Variants in PRKN observed in about 807,000 individuals in gnomAD.
The protein encoded by PRKN is E3 ubiquitin-protein ligase parkin.
PRKN carries 56 observed loss-of-function variants against 59.5 expected under a neutral mutation model. The observed-to-expected ratio is 0.94, with a 90% CI of 0.76 to 1.18. PRKN has a LOEUF of 1.18. Among genes scored for constraint, PRKN ranks in the 50% most tolerant of loss-of-function variants. The pLI is 0.00. For missense variants in PRKN, 657 were observed against 596.4 expected (o/e 1.10, Z -1.06); for synonymous variants, 250 against 222.1 (o/e 1.13, Z -1.12).
At position 162,248,063 on chromosome 6, in the gene PRKN, G is replaced by A. The variant is rs934466185; in HGVS notation, c.412+14462C>T. ...TCTCCCACAGGCTCCCTGGAGAGAG[G>A]AGCTGGAAAGCCTTAGGTTTGTTTC... On this transcript the variant is annotated intron_variant, in intron 3 of 11. Coordinates refer to ENST00000366898, the MANE Select transcript of PRKN (RefSeq NM_004562.3). Among the ~76,000 whole-genome samples, 52 of 152,252 alleles carry A rather than the reference G, an allele frequency of 3.4e-4. 1 individual carries two copies. Among genetic ancestry groups the A allele is most frequent in the African/African-American group, 1.2e-3 (50 of 41,550 alleles).
At position 161,356,481 on chromosome 6, in the gene PRKN, G is replaced by A. The variant is rs1784757755; in HGVS notation, c.1285+3607C>T. Among the ~76,000 whole-genome samples, 8 of 152,304 alleles carry A rather than the reference G, an allele frequency of 5.3e-5. 1 individual carries two copies. In the South Asian group the frequency reaches 1.7e-3, roughly 32 times the overall value. On this transcript the variant is annotated intron_variant, in intron 11 of 11. Transcript: ENST00000366898. This position sits in a 1 kb window ranked among gnomAD's most constrained non-coding sequence, Gnocchi z 7.8. ...GAGAAGTCTACACGTCTATGTAGAG[G>A]ACGGATCATAAATATGCGAGAGTGG...
intron 4 of PRKN, among the ~76,000 whole-genome samples, chr6:162,187,141 C>T (rs1022603373): frequency 2.0e-5 from 3 of 152,160 alleles, no homozygotes; most frequent in Admixed American, 2.0e-4. Context: ...ACTTTAGTTT[C>T]TACCCAAGAT....
intron 7 of PRKN, among the ~76,000 whole-genome samples, chr6:161,739,009 C>G (rs922876974): frequency 6.6e-6 from 1 of 152,174 alleles, no homozygotes; most frequent in East Asian, 1.9e-4. Flanking sequence ...AAAGCCCCTA[C>G]TGGAAATAAG....
At chr6:161,511,420 A>G (rs926918260) in intron 9 of PRKN, among the ~76,000 whole-genome samples, 12 of 152,220 alleles carry the variant, frequency 7.9e-5, no homozygotes, top group Admixed American at 5.9e-4. Flanking sequence ...TAAGACTGTG[A>G]TGTCAACTGG....
At position 161,588,760 on chromosome 6, in the gene PRKN, A is replaced by T. The variant is rs906757585; in HGVS notation, c.872-19344T>A. Among the ~76,000 whole-genome samples the T allele has an allele frequency of 6.6e-6, 1 of 152,220 alleles. No individual in the cohort carries two copies. The highest frequency in any genetic ancestry group is 1.9e-4 in the East Asian group (1 of 5,186). On this transcript the variant is annotated intron_variant, in intron 7 of 11. Transcript: ENST00000366898. This position sits in a 1 kb window ranked among gnomAD's most constrained non-coding sequence, Gnocchi z 5.0. ...GAGGACACCATCATCTCTAGAAAAT[A>T]AACCCAAAGTGGCTCTTGAGAGAAG...
At chr6:161,935,630 G>A (rs1207303255) in intron 6 of PRKN, among the ~76,000 whole-genome samples, 1 of 151,498 alleles carries the variant, frequency 6.6e-6, no homozygotes, top group African/African-American at 2.4e-5. Flanking sequence ...AGAGCAACAT[G>A]AATTCTGCTA....
At chr6:162,184,562 T>C (rs1562565584) in intron 4 of PRKN, among the ~76,000 whole-genome samples, 1 of 152,162 alleles carries the variant, frequency 6.6e-6, no homozygotes, top group Non-Finnish European at 1.5e-5. Context: ...CTGCCCTGTG[T>C]AGAAGGACAT....
chr6:162,067,507 C>T (rs2128289646), intron 4 of PRKN, among the ~76,000 whole-genome samples: 2 of 152,262 alleles, frequency 1.3e-5, no homozygotes, highest in African/African-American at 4.8e-5. Context: ...TTTATGAGTT[C>T]ATGAGTTTTT....
chr6:161,745,673 A>T (rs1788383944), intron 7 of PRKN, among the ~76,000 whole-genome samples: 1 of 152,174 alleles, frequency 6.6e-6, no homozygotes, highest in Admixed American at 6.5e-5. Flanking sequence ...GAGGATCTGA[A>T]ATCCAGTAGA....
intron 4 of PRKN, among the ~76,000 whole-genome samples, chr6:162,064,122 C>A (rs775564136): frequency 6.6e-6 from 1 of 152,022 alleles, no homozygotes; most frequent in South Asian, 2.1e-4. Flanking sequence ...GGATGAGTCT[C>A]GAAACAAAAC....
chr6:162,653,867 T>C (rs540664098), intron 1 of PRKN, among the ~76,000 whole-genome samples: 8 of 152,346 alleles, frequency 5.3e-5, no homozygotes, highest in African/African-American at 7.2e-5. Context: ...GTGTTGAGCA[T>C]GGCCCCTTTT....
In PRKN at chr6:161,542,629, A is replaced by C. The variant is rs1779657186; in HGVS notation, c.1083+6225T>G. ...CACATGTCAAATAAACATGGACTGC[A>C]TATTTTTGACATTTCATAACACCAA... On this transcript the variant is annotated intron_variant, in intron 9 of 11. Transcript: ENST00000366898. 2.0e-5 allele frequency among the ~76,000 whole-genome samples: 3 copies of C among 152,228 alleles called. No homozygotes were observed. In the South Asian group the frequency reaches 6.2e-4, roughly 31 times the overall value.
chr6:162,711,944 GC>G (rs1778554564), intron 1 of PRKN, among the ~76,000 whole-genome samples: 1 of 152,196 alleles, frequency 6.6e-6, no homozygotes, highest in South Asian at 2.1e-4. Context: ...TTCATAGTAG[GC>G]TGAATCAGAG....
rs142531826 is a variant in PRKN, at chr6:161,899,872, C to T, written c.734+73430G>A. On this transcript the variant is annotated intron_variant, in intron 6 of 11. Transcript: ENST00000366898. ...GCCAGGCGGCTCTTGCCTGTAATCCCAGCACTTTGGGAGGCCGAGGTGGGC... is the reference window on the plus strand; with the variant it reads ...GCCAGGCGGCTCTTGCCTGTAATCCTAGCACTTTGGGAGGCCGAGGTGGGC... Among the ~76,000 whole-genome samples the T allele has an allele frequency of 1.4e-4, 21 of 152,232 alleles. No homozygotes were observed. The South Asian group carries it at 1.5e-3, about 11-fold the overall frequency.
At chr6:162,081,426 T>G (rs1456394975) in intron 4 of PRKN, among the ~76,000 whole-genome samples, 4 of 152,162 alleles carry the variant, frequency 2.6e-5, no homozygotes, top group African/African-American at 4.8e-5. Context: ...GCATGAAGAC[T>G]ACATTCACTT....
chr6:162,605,817 T>C (rs1781892152), intron 1 of PRKN, among the ~76,000 whole-genome samples: 2 of 152,196 alleles, frequency 1.3e-5, no homozygotes, highest in African/African-American at 4.8e-5. Flanking sequence ...TGTACAAATT[T>C]TAAGTTCCTT....
At chr6:161,439,632 C>T (rs6921435) in intron 9 of PRKN, among the ~76,000 whole-genome samples, 79,230 of 151,776 alleles carry the variant, frequency 0.52, 21,630 homozygotes, top group Middle Eastern at 0.66. Flanking sequence ...CGAGCGATTC[C>T]ATCTACACTG....
chr6:162,195,161 TCTCA>T (rs1784440716), intron 4 of PRKN, among the ~76,000 whole-genome samples: 5 of 152,206 alleles, frequency 3.3e-5, no homozygotes, highest in Admixed American at 3.3e-4. Context: ...CCGGTTCCAC[TCTCA>T]CTGTCGGGAC....
chr6:161,401,224 A>C lies in PRKN; in HGVS notation c.1084-14347T>G, dbSNP rs773679624. 6.6e-6 allele frequency among the ~76,000 whole-genome samples: 1 copy of C among 152,160 alleles called. No individual in the cohort carries two copies. The highest frequency in any genetic ancestry group is 1.5e-5 in the Non-Finnish European group (1 of 68,036). ...GCATGGTTTTAGCAACAGGACTTTCATTTGTGATAGTTCAGTCACGTCCTG... is the reference window on the plus strand; with the variant it reads ...GCATGGTTTTAGCAACAGGACTTTCCTTTGTGATAGTTCAGTCACGTCCTG... On this transcript the variant is annotated intron_variant, in intron 9 of 11. Transcript: ENST00000366898. The surrounding 1 kb of genome is among the most constrained non-coding windows in gnomAD (Gnocchi z 4.4).
Sources: allele counts gnomAD v4.1 joint callset (sites outside exome capture counted in the v4.1 genomes callset), GRCh38; gene constraint gnomAD v4.1.1; non-coding constraint Gnocchi (gnomAD v3.1); transcripts MANE v1.5; gene names NCBI Gene and HGNC (gene_info 2026-07-23, HGNC 2026-07-21).